AKR1D1: variants seen among roughly 807,000 people sequenced by gnomAD.
AKR1D1 encodes the protein delta(4)-3-ketosteroid 5-beta-reductase.
AKR1D1 carries 32 observed loss-of-function variants against 42.6 expected under a neutral mutation model. The observed-to-expected ratio is 0.75, with a 90% confidence interval of 0.57 to 1.01. AKR1D1 has a LOEUF of 1.01. Among genes scored for constraint, AKR1D1 ranks in the 50% least tolerant of loss-of-function variants. The pLI is 0.00. For missense variants in AKR1D1, 364 were observed against 402.2 expected, an observed-to-expected ratio of 0.91 and a Z score of 0.81; for synonymous variants, 123 against 135.5, an observed-to-expected ratio of 0.91 and a Z score of 0.64.
chr7:138,087,387 T>C (rs1793952464), intron 1 of AKR1D1, among the ~76,000 whole-genome samples: 3 of 152,158 alleles, frequency 2.0e-5, no homozygotes, highest in Admixed American at 2.0e-4. Context: ...CCATAGCAAA[T>C]GAAAAATCAG....
chr7:138,093,724 C>T (rs1208364107), intron 3 of AKR1D1, among the ~76,000 whole-genome samples: 1 of 152,120 alleles, frequency 6.6e-6, no homozygotes, highest in African/African-American at 2.4e-5. Flanking sequence ...TGTAGTAGAA[C>T]AAATATATAA....
intron 4 of AKR1D1, 81 bp from the exon 5 acceptor site, chr7:138,105,226 G>C: frequency 6.3e-7 from 1 of 1,598,206 alleles, no homozygotes; most frequent in Non-Finnish European, 8.6e-7. Context: ...CCTTTTTAAA[G>C]AATTCACAGT....
chr7:138,105,566 T>C (rs1195497108), intron 5 of AKR1D1, 137 bp downstream of exon 5: 1 of 1,306,572 alleles, frequency 7.7e-7, no homozygotes, highest in African/African-American at 1.5e-5. Flanking sequence ...TGCAAGTCTT[T>C]AGACTTCTTT....
chr7:138,079,757 T>C (rs1196717388), intron 1 of AKR1D1, among the ~76,000 whole-genome samples: 1 of 152,232 alleles, frequency 6.6e-6, no homozygotes, highest in Non-Finnish European at 1.5e-5. Flanking sequence ...TACGTTGTAG[T>C]GGATCTTATA....
chr7:138,111,050 A>G (rs1794526771), intron 7 of AKR1D1, among the ~76,000 whole-genome samples: 1 of 152,090 alleles, frequency 6.6e-6, no homozygotes, highest in African/African-American at 2.4e-5. Context: ...TTCCTCTCCC[A>G]TAAGAATCTT....
At position 138,091,881 on chromosome 7, in the gene AKR1D1, T is replaced by C; in HGVS notation, c.375T>C (p.Phe125=). 2 of 1,608,446 alleles carry C rather than the reference T, an allele frequency of 1.2e-6. No individual in the cohort carries two copies. The highest frequency in any genetic ancestry group is 1.7e-6 in the Non-Finnish European group (2 of 1,175,084). ...ACATCATTGAAGTACCCATGGCCTTTAAGGTGAGTTCAGATGCCCAAAGGT... is the reference window on the plus strand; with the variant it reads ...ACATCATTGAAGTACCCATGGCCTTCAAGGTGAGTTCAGATGCCCAAAGGT... ...DLYIIEVPMA[F]KPGDEIYPRD... Residue 125 remains phenylalanine, a synonymous_variant, in exon 3 of 9, where the codon TTT becomes TTC. Coordinates refer to ENST00000242375, the MANE Select transcript of AKR1D1 (RefSeq NM_005989.4).
intron 4 of AKR1D1, among the ~76,000 whole-genome samples, chr7:138,100,557 G>A (rs1585733868): frequency 6.6e-6 from 1 of 151,646 alleles, no homozygotes; most frequent in East Asian, 1.9e-4. Flanking sequence ...TATTACATGG[G>A]ATAAAGAAGA....
At chr7:138,088,013 C>T (rs1166764409) in intron 1 of AKR1D1, among the ~76,000 whole-genome samples, 3 of 151,982 alleles carry the variant, frequency 2.0e-5, no homozygotes, top group African/African-American at 7.3e-5. Context: ...ACCTTACCCT[C>T]CCAAGTAACT....
At chr7:138,081,343 C>T (rs1803052015) in intron 1 of AKR1D1, among the ~76,000 whole-genome samples, 1 of 152,034 alleles carries the variant, frequency 6.6e-6, no homozygotes, top group African/African-American at 2.4e-5. Flanking sequence ...ATTCCACCTT[C>T]CTCTTGATGC....
chr7:138,087,827 TC>T (rs1793967671), intron 1 of AKR1D1, among the ~76,000 whole-genome samples: 1 of 152,146 alleles, frequency 6.6e-6, no homozygotes. Flanking sequence ...CCGGCTTCTT[TC>T]ACTCAGTATA....
In AKR1D1 at chr7:138,091,842, T is replaced by C. The variant is rs200261541; in HGVS notation, c.336T>C (p.Asp112=). The change falls in exon 3 of 9, where the codon GAT becomes GAC. Residue 112 remains aspartate (D), a synonymous_variant. Coordinates refer to ENST00000242375, the MANE Select transcript of AKR1D1 (RefSeq NM_005989.4). ...GGACACTCAGGGTCCTCCAGCTAGATTATGTGGATCTTTACATCATTGAAG... is the reference window on the plus strand; with the variant it reads ...GGACACTCAGGGTCCTCCAGCTAGACTATGTGGATCTTTACATCATTGAAG... ...LERTLRVLQL[D]YVDLYIIEVP... 14 of 1,614,014 alleles carry C rather than the reference T, an allele frequency of 8.7e-6. No homozygotes were observed. Among genetic ancestry groups the C allele is most frequent in the Admixed American group, 8.3e-5 (5 of 60,010 alleles).
intron 8 of AKR1D1, among the ~76,000 whole-genome samples, chr7:138,114,366 T>C (rs1024975414): frequency 5.3e-5 from 8 of 152,150 alleles, no homozygotes; most frequent in African/African-American, 7.2e-5. Context: ...TTACAGGCCC[T>C]TTAAAAAAGA....
At chr7:138,113,832 G>A in intron 8 of AKR1D1, 60 bp downstream of exon 8, 2 of 1,496,434 alleles carry the variant, frequency 1.3e-6, no homozygotes, top group Non-Finnish European at 1.9e-6. Context: ...CATGTGTCAA[G>A]CAACAAGGCT....
intron 3 of AKR1D1, among the ~76,000 whole-genome samples, chr7:138,095,328 GA>G (rs1794163481): frequency 6.6e-6 from 1 of 152,330 alleles, no homozygotes. Flanking sequence ...ATCAGAGACA[GA>G]ATGGATAATT....
intron 3 of AKR1D1, among the ~76,000 whole-genome samples, chr7:138,094,537 G>C (rs73155742): frequency 1.3e-5 from 2 of 151,622 alleles, no homozygotes; most frequent in East Asian, 2.0e-4. Flanking sequence ...AAAAAAGAGT[G>C]GGGGGGCAGT....
chr7:138,108,812 A>G (rs953936022), intron 7 of AKR1D1, among the ~76,000 whole-genome samples: 52 of 152,350 alleles, frequency 3.4e-4, no homozygotes, highest in Middle Eastern at 6.8e-3. Context: ...ATGTGCTCTT[A>G]CCACAAAAAT....
chr7:138,096,802 T>A (rs989373991), intron 3 of AKR1D1, among the ~76,000 whole-genome samples: 1 of 152,090 alleles, frequency 6.6e-6, no homozygotes, highest in Admixed American at 6.6e-5. Context: ...TTATGCCCAG[T>A]CCTCTACCCT....
At chr7:138,108,305 G>C (rs941699297) in intron 7 of AKR1D1, among the ~76,000 whole-genome samples, 1 of 152,108 alleles carries the variant, frequency 6.6e-6, no homozygotes, top group Non-Finnish European at 1.5e-5. Flanking sequence ...CCATAGAAAA[G>C]TGCCATACAA....
intron 1 of AKR1D1, among the ~76,000 whole-genome samples, chr7:138,076,926 G>A (rs1408953615): frequency 6.6e-6 from 1 of 152,070 alleles, no homozygotes; most frequent in Non-Finnish European, 1.5e-5. Flanking sequence ...TTTATGACTT[G>A]TGTTTTTTTT....
Sources: allele counts gnomAD v4.1 joint callset (sites outside exome capture counted in the v4.1 genomes callset), GRCh38; gene constraint gnomAD v4.1.1; transcripts MANE v1.5; gene names NCBI Gene and HGNC (gene_info 2026-07-23, HGNC 2026-07-21).